The following CCT5 variants were observed in gnomAD, a reference collection of about 807,000 sequenced individuals.
CCT5 encodes the protein chaperonin containing TCP1 subunit 5, also known as T-complex protein 1 subunit epsilon.
In CCT5, 6 loss-of-function variants were observed where a neutral mutation model predicts 55.0. The ratio of observed to expected loss-of-function variants is 0.11; its 90% CI spans 0.06 to 0.22. The LOEUF is 0.22. CCT5 is among the 10% of genes least tolerant of loss of function. CCT5 has a pLI of 1.00. For synonymous variants in CCT5, 231 were observed against 243.7 expected, an observed-to-expected ratio of 0.95 and a Z score of 0.49; for missense variants, 560 against 694.6, an observed-to-expected ratio of 0.81 and a Z score of 2.18.
intron 10 of CCT5, among the ~76,000 whole-genome samples, chr5:10,264,073 C>T (rs1293684720): frequency 6.6e-6 from 1 of 151,828 alleles, no homozygotes; most frequent in East Asian, 1.9e-4. Flanking sequence ...AGGAGTTTGA[C>T]ACCAGCCTGA....
At chr5:10,257,575 A>G (rs1190835171) in intron 4 of CCT5, among the ~76,000 whole-genome samples, 1 of 120,856 alleles carries the variant, frequency 8.3e-6, no homozygotes, top group Non-Finnish European at 1.6e-5. Flanking sequence ...GTCTATTCAC[A>G]TGTTTCAAAG....
At position 10,262,547 on chromosome 5, in the gene CCT5, A is replaced by G. The variant is rs1456581750; in HGVS notation, c.1246A>G (p.Asn416Asp). 1 of 1,614,128 alleles carries G rather than the reference A, an allele frequency of 6.2e-7. No individual in the cohort carries two copies. The highest frequency in any genetic ancestry group is 2.2e-5 in the East Asian group (1 of 44,900). The change falls in exon 9 of 11, where the codon AAT becomes GAT. Residue 416 changes from asparagine to aspartate, a missense_variant. Physicochemically the swap from Asn to Asp is conservative, Grantham distance 23. Transcript: ENST00000280326. The stretch of plus-strand genomic sequence containing the variant: ...TGTCATCCGGAACCTCATCCGCGAT[A>G]ATCGTGTGGTGTATGGAGGAGGGGC... The part of the protein sequence containing the change: ...LCVIRNLIRD[N>D]RVVYGGGAAE...
At chr5:10,250,811 C>T (rs1745355876) in intron 1 of CCT5, 2 of 1,129,154 alleles carry the variant, frequency 1.8e-6, no homozygotes, top group Non-Finnish European at 2.2e-6. Flanking sequence ...GATGCTCTGT[C>T]ACCTGTCGGT....
At chr5:10,264,586 CAGAA>C (rs981224432) in intron 10 of CCT5, 66 bp from the exon 11 acceptor site, 6 of 1,042,300 alleles carry the variant, frequency 5.8e-6, no homozygotes, top group Non-Finnish European at 9.1e-6. Flanking sequence ...TTCCCTAAAT[CAGAA>C]AGAGTTGGTT....
chr5:10,254,107 T>A (rs752159897), intron 1 of CCT5, 38 bp from the exon 2 acceptor site: 1 of 1,383,366 alleles, frequency 7.2e-7, no homozygotes, highest in East Asian at 2.3e-5. Context: ...ATTGAAATTA[T>A]ATGTAACAGT....
intron 3 of CCT5, among the ~76,000 whole-genome samples, chr5:10,255,457 A>C (rs1745623984): frequency 6.6e-6 from 1 of 152,050 alleles, no homozygotes; most frequent in Non-Finnish European, 1.5e-5. Context: ...ATTTGAATTC[A>C]TTCAACAAAT....
In CCT5 at chr5:10,262,606, A is replaced by G; in HGVS notation, c.1305A>G (p.Gln435=). Residue 435 remains glutamine, a synonymous_variant, in exon 9 of 11, where the codon CAA becomes CAG. Coordinates refer to ENST00000280326, the MANE Select transcript of CCT5 (RefSeq NM_012073.5). ...AEISCALAVS[Q]EADKCPTLEQ... ...TATCCTGTGCCCTGGCAGTTAGCCA[A>G]GAGGCGGATAAGGTAAGGGATCTGT... 1.2e-6 allele frequency: 2 copies of G among 1,614,254 alleles called. No homozygotes were observed. The highest frequency in any genetic ancestry group is 1.7e-6 in the Non-Finnish European group (2 of 1,180,036).
intron 1 of CCT5, among the ~76,000 whole-genome samples, chr5:10,252,257 C>T (rs1200468242): frequency 6.6e-6 from 1 of 152,130 alleles, no homozygotes; most frequent in East Asian, 1.9e-4. Flanking sequence ...CCTCATAGAA[C>T]GTCCAGCTAA....
chr5:10,260,701 C>T, intron 6 of CCT5, 91 bp from the exon 7 acceptor site: 2 of 1,414,748 alleles, frequency 1.4e-6, no homozygotes, highest in South Asian at 1.2e-5. Flanking sequence ...ACCTGCCTTA[C>T]ACCCAACTGT....
At chr5:10,251,404 T>G (rs550535210) in intron 1 of CCT5, among the ~76,000 whole-genome samples, 61 of 152,234 alleles carry the variant, frequency 4.0e-4, no homozygotes, top group African/African-American at 1.4e-3. Flanking sequence ...AAGAAACATC[T>G]GAGCACCAGA....
chr5:10,263,407 C>T, intron 10 of CCT5, 93 bp downstream of exon 10: 1 of 1,205,646 alleles, frequency 8.3e-7, no homozygotes, highest in South Asian at 1.3e-5. Context: ...ATGATGGTGT[C>T]TTTTTAAATA....
At chr5:10,250,084 A>T (rs778647685), upstream of CCT5, 16 of 1,537,902 alleles carry the variant, frequency 1.0e-5, no homozygotes, top group African/African-American at 1.4e-4. Flanking sequence ...TCTGCTCTTG[A>T]CTTGTGTGTC....
chr5:10,254,820 G>A lies in CCT5; in HGVS notation c.313G>A (p.Gly105Arg), dbSNP rs1745594028. ...SKSQDDEIGDGTTGVVVLAGA... is the reference protein window; with the variant it reads ...SKSQDDEIGDRTTGVVVLAGA... The stretch of plus-strand genomic sequence containing the variant: ...GTCTCAGGATGATGAAATTGGAGAT[G>A]GAACCACAGGAGTGGTTGGTAAGAA... Residue 105 changes from glycine (G) to arginine (R), a missense_variant, in exon 3 of 11, where the codon GGA becomes AGA. By Grantham distance (125) the Gly-to-Arg change is moderately radical. Around this residue, in one of 4 missense-constraint regions of CCT5, gnomAD observed 137 missense variants for 181.9 expected, o/e 0.75. Transcript: ENST00000280326. 1 of 1,613,876 alleles carries A rather than the reference G, an allele frequency of 6.2e-7. No individual in the cohort carries two copies. Among genetic ancestry groups the A allele is most frequent in the African/African-American group, 1.3e-5 (1 of 74,900 alleles).
At chr5:10,252,636 C>T (rs1396168211) in intron 1 of CCT5, among the ~76,000 whole-genome samples, 1 of 141,824 alleles carries the variant, frequency 7.1e-6, no homozygotes, top group Admixed American at 7.1e-5. Flanking sequence ...AAAAAAGGTG[C>T]AGGCATTAGT....
Position 10,265,057 on chromosome 5 carries a change from TAATTA to T in CCT5, c.*278_*282del. 1 of 382,908 alleles carries T rather than the reference TAATTA, an allele frequency of 2.6e-6. No homozygotes were observed. The highest frequency in any genetic ancestry group is 4.8e-6 in the Non-Finnish European group (1 of 209,254). The allele number at this position is 382,908 out of a possible 1,614,324, so 23.7% of individuals were successfully genotyped here. A position where few individuals can be genotyped will look rare whatever the true frequency, so the allele number is the denominator to read the frequency against. ...GTTTAAGAAACGTTTATTGTAACAG[TAATTA>T]AATGCTGCCTTAATTGAAGGGGTTT... is the stretch of plus-strand genomic sequence containing the variant. On this transcript the variant is annotated 3_prime_UTR_variant, in exon 11 of 11. Transcript: ENST00000280326.
rs770463902 is a variant in CCT5 at position 10,258,280 on chromosome 5, T to A, written c.700T>A (p.Phe234Ile). 4.3e-6 allele frequency: 7 copies of A among 1,614,216 alleles called. No homozygotes were observed. In the Admixed American group the frequency reaches 1.2e-4, roughly 27 times the overall value. Residue 234 changes from phenylalanine (F) to isoleucine (I), a missense_variant, in exon 5 of 11, where the codon TTC becomes ATC. Phe to Ile is a conservative substitution (Grantham distance 21, BLOSUM62 0). Transcript: ENST00000280326. ...LIKGVIVDKDFSHPQMPKKVE... is the reference protein window; with the variant it reads ...LIKGVIVDKDISHPQMPKKVE... The stretch of plus-strand genomic sequence containing the variant: ...TAAGGGCGTGATTGTGGACAAGGAT[T>A]TCAGTCACCCACAGATGCCAAAAGT...
Position 10,264,910 on chromosome 5 carries a change from G to C in CCT5, c.*127G>C. ...CACTGTAGATGCTATAATAAAAATAGCTGTTTGGTAACCATAGTTTCACTT... is the reference window on the plus strand; with the variant it reads ...CACTGTAGATGCTATAATAAAAATACCTGTTTGGTAACCATAGTTTCACTT... On this transcript the variant is annotated 3_prime_UTR_variant, in exon 11 of 11. Coordinates refer to ENST00000280326, the MANE Select transcript of CCT5 (RefSeq NM_012073.5). 7.9e-7 allele frequency: 1 copy of C among 1,259,002 alleles called. No individual in the cohort carries two copies. Among genetic ancestry groups the C allele is most frequent in the Admixed American group, 2.0e-5 (1 of 50,194 alleles). The allele number at this position is 1,259,002 out of a possible 1,614,324, so 78.0% of individuals were successfully genotyped here. A position where few individuals can be genotyped will look rare whatever the true frequency, so the allele number is the denominator to read the frequency against.
chr5:10,250,308 C>A lies in CCT5; in HGVS notation c.-33C>A. On this transcript the variant is annotated 5_prime_UTR_variant, in exon 1 of 11. Coordinates refer to ENST00000280326, the MANE Select transcript of CCT5 (RefSeq NM_012073.5). ...TTCTCGCTTCCGTAGCGGTCTCCGC[C>A]GGTTGGGGGGAAGTAATTCCGGTTG... 6.2e-7 allele frequency: 1 copy of A among 1,613,722 alleles called. No homozygotes were observed. Among genetic ancestry groups the A allele is most frequent in the South Asian group, 1.1e-5 (1 of 91,052 alleles).
At chr5:10,263,344 G>GC (rs746129794) in intron 10 of CCT5, 30 bp downstream of exon 10, 7 of 1,456,530 alleles carry the variant, frequency 4.8e-6, no homozygotes. Context: ...CTGCGTGGAG[G>GC]GGGGGGGATG....
Sources: gnomAD v4.1 joint callset for allele counts (sites outside exome capture counted in the v4.1 genomes callset) on GRCh38, gnomAD v4.1.1 for gene constraint, gnomAD v4.1.1 regional missense constraint, MANE v1.5 for transcripts, NCBI Gene and HGNC (gene_info 2026-07-23, HGNC 2026-07-21) for gene names.